MSN: variants seen among roughly 807,000 people sequenced by gnomAD.
MSN encodes the protein moesin.
MSN carries 2 observed loss-of-function variants against 48.0 expected under a neutral mutation model. The ratio of observed to expected loss-of-function variants is 0.04; its 90% CI spans 0.02 to 0.13. The LOEUF is 0.13. MSN is among the 10% of genes least tolerant of loss of function. MSN has a pLI of 1.00. For missense variants in MSN, 267 were observed against 470.1 expected, an observed-to-expected ratio of 0.57 and a Z score of 3.99; for synonymous variants, 146 against 166.9, an observed-to-expected ratio of 0.87 and a Z score of 0.97.
intron 1 of MSN, among the ~76,000 whole-genome samples, chrX:65,639,177 CTT>C (rs1391761862): frequency 9.0e-6 from 1 of 111,395 alleles, no homozygotes; most frequent in East Asian, 2.8e-4. Flanking sequence ...GAGTTTTACT[CTT>C]GTTGCCCAGG....
Position 65,727,924 on chromosome X carries a change from C to A in MSN, c.192+15C>A, listed in dbSNP as rs777577213. The stretch of plus-strand genomic sequence containing the variant: ...TCAATAAGAAGGTAACTGCTTATTC[C>A]TCTGTTGGATTTAGAATTCTTTTCT... On this transcript the variant is annotated intron_variant, in intron 3 of 12. Transcript: ENST00000360270. 44 of 1,163,338 alleles carry A rather than the reference C, an allele frequency of 3.8e-5. No individual in the cohort carries two copies. The highest frequency in any genetic ancestry group is 4.9e-5 in the Non-Finnish European group (42 of 854,097).
chrX:65,606,078 G>T lies in MSN; in HGVS notation c.-22+17466G>T, dbSNP rs180988996. 4.3e-3 allele frequency among the ~76,000 whole-genome samples: 469 copies of T among 108,504 alleles called. 2 individuals are homozygous for T. The highest frequency in any genetic ancestry group is 0.014 in the African/African-American group (408 of 29,784). The allele number at this position is 108,504 out of a possible 115,157, so 94.2% of individuals were successfully genotyped here. A position where few individuals can be genotyped will look rare whatever the true frequency, so the allele number is the denominator to read the frequency against. The stretch of plus-strand genomic sequence containing the variant: ...CTACCTCAGCTTCCTGAGTGACTGG[G>T]TCTACAAGTATGCACCACCATACCG... On this transcript the variant is annotated intron_variant, in intron 1 of 3. Coordinates refer to the MSN transcript ENST00000609672.
intron 1 of MSN, among the ~76,000 whole-genome samples, chrX:65,711,119 C>T (rs1156312640): frequency 1.8e-5 from 2 of 111,159 alleles, no homozygotes; most frequent in African/African-American, 6.6e-5. Context: ...AGTGCAATGA[C>T]GCGATGTCAA....
rs182967992 is a variant in MSN at position 65,722,458 on chromosome X, C to T, written c.97-5356C>T. ...GTGTGTGTGTTTGGAGACAAGGTCT[C>T]GCTCCGTCACCCAGGCTGGAGTGCA... On this transcript the variant is annotated intron_variant, in intron 2 of 12. Transcript: ENST00000360270. 3.8e-4 allele frequency among the ~76,000 whole-genome samples: 41 copies of T among 108,249 alleles called. No individual in the cohort carries two copies. The Middle Eastern group carries it at 0.014, about 37-fold the overall frequency. 94.0% of individuals were successfully genotyped at this position (108,249 alleles called of 115,157 possible).
At chrX:65,668,492 C>T (rs1392318569) in intron 1 of MSN, among the ~76,000 whole-genome samples, 1 of 111,760 alleles carries the variant, frequency 8.9e-6, no homozygotes, top group Non-Finnish European at 1.9e-5. Context: ...GAGAGAGGAC[C>T]GGTTTCTCCC....
At chrX:65,656,867 C>A (rs780500861) in intron 1 of MSN, among the ~76,000 whole-genome samples, 1 of 111,029 alleles carries the variant, frequency 9.0e-6, no homozygotes, top group South Asian at 3.8e-4. Flanking sequence ...GCTGAGGAGC[C>A]GTGGGAGGAA....
chrX:65,662,284 T>C (rs1379460781), intron 1 of MSN, among the ~76,000 whole-genome samples: 1 of 112,362 alleles, frequency 8.9e-6, no homozygotes, highest in African/African-American at 3.2e-5. Context: ...AAAAAACTGT[T>C]CTAAAATTCA....
chrX:65,596,817 A>G (rs765147028), intron 1 of MSN, among the ~76,000 whole-genome samples: 2 of 89,367 alleles, frequency 2.2e-5, no homozygotes, highest in East Asian at 7.3e-4. Context: ...CCCAGAGGAG[A>G]CAGCAGTGTC....
At chrX:65,649,696 TAC>T (rs1195105076) in intron 1 of MSN, among the ~76,000 whole-genome samples, 1 of 107,511 alleles carries the variant, frequency 9.3e-6, no homozygotes, top group African/African-American at 3.4e-5. Context: ...TAAAATTGGG[TAC>T]AGTGTCTGTC....
intron 1 of MSN, chrX:65,589,019 T>A: frequency 7.3e-6 from 1 of 137,897 alleles, no homozygotes; most frequent in Non-Finnish European, 1.5e-5. Context: ...TTGGAGTCAA[T>A]AACCACCACT....
At chrX:65,647,583 G>C (rs1481102564) in intron 1 of MSN, among the ~76,000 whole-genome samples, 1 of 112,706 alleles carries the variant, frequency 8.9e-6, no homozygotes, top group African/African-American at 3.2e-5. Flanking sequence ...TCCACAAGTA[G>C]TGATATTTGA....
At chrX:65,732,465 A>G (rs1363137304) in intron 6 of MSN, among the ~76,000 whole-genome samples, 1 of 111,948 alleles carries the variant, frequency 8.9e-6, no homozygotes, top group African/African-American at 3.3e-5. Flanking sequence ...TGTGACAGTC[A>G]TTATGTTTTT....
At position 65,731,089 on chromosome X, in the gene MSN, C is replaced by T; in HGVS notation, c.468-18C>T. 8.5e-7 allele frequency: 1 copy of T among 1,181,693 alleles called. No individual in the cohort carries two copies. Among genetic ancestry groups the T allele is most frequent in the Non-Finnish European group, 1.1e-6 (1 of 874,837 alleles). On this transcript the variant is annotated intron_variant, in intron 4 of 12. Coordinates refer to ENST00000360270, the MANE Select transcript of MSN (RefSeq NM_002444.3). Reference sequence around the variant, plus strand: ...GGACTTTGTGCTTTAAACTACTCATCACCCATTGTCTTTCCAGAGTCCTGG... The same window carrying T: ...GGACTTTGTGCTTTAAACTACTCATTACCCATTGTCTTTCCAGAGTCCTGG...
chrX:65,681,833 G>A (rs768272251), intron 1 of MSN, among the ~76,000 whole-genome samples: 1 of 112,303 alleles, frequency 8.9e-6, no homozygotes, highest in Non-Finnish European at 1.9e-5. Context: ...TGTGCTATAT[G>A]TGATTCCAAT....
chrX:65,668,912 G>A (rs1220594571), intron 1 of MSN, among the ~76,000 whole-genome samples: 2 of 111,493 alleles, frequency 1.8e-5, no homozygotes, highest in Non-Finnish European at 3.8e-5. Flanking sequence ...CCCCAGGACT[G>A]CTTGAGCCTT....
intron 1 of MSN, among the ~76,000 whole-genome samples, chrX:65,621,132 G>T (rs2070440544): frequency 9.0e-6 from 1 of 110,708 alleles, no homozygotes; most frequent in Admixed American, 9.7e-5. Context: ...AGCCAGGATG[G>T]TCTCAATCTC....
At chrX:65,678,563 T>C (rs1039215614) in intron 1 of MSN, among the ~76,000 whole-genome samples, 17 of 111,208 alleles carry the variant, frequency 1.5e-4, no homozygotes, top group African/African-American at 5.6e-4. Context: ...GTCTAGTTCT[T>C]TAAGTATGCC....
chrX:65,639,574 T>C (rs2070632668), intron 1 of MSN, among the ~76,000 whole-genome samples: 1 of 111,868 alleles, frequency 8.9e-6, no homozygotes, highest in Non-Finnish European at 1.9e-5. Flanking sequence ...GGTTCCTGGT[T>C]TCTAAGCCAG....
In MSN at chrX:65,737,487, G is replaced by C. The variant is rs1251314705; in HGVS notation, c.1251+149G>C. ...CAGCAAATAACTAGTTCAGAAGCAA[G>C]CTGAGAAGTCACTAGTGTGGCCCAG... On this transcript the variant is annotated intron_variant, in intron 10 of 12. Transcript: ENST00000360270. The C allele has an allele frequency of 2.7e-5, 19 of 693,142 alleles. No individual in the cohort carries two copies. The South Asian group carries it at 6.5e-4, about 24-fold the overall frequency. 57.1% of individuals were successfully genotyped at this position (693,142 alleles called of 1,213,427 possible).
Sources: allele counts gnomAD v4.1 joint callset (sites outside exome capture counted in the v4.1 genomes callset), GRCh38; gene constraint gnomAD v4.1.1; transcripts MANE v1.5; gene names NCBI Gene and HGNC (gene_info 2026-07-23, HGNC 2026-07-21).